Variants in CEP85 observed in about 807,000 individuals in gnomAD.
CEP85 encodes the protein centrosomal protein 85, also known as centrosomal protein of 85 kDa.
CEP85 carries 58 observed loss-of-function variants against 93.7 expected under a neutral mutation model. That is an observed-to-expected ratio of 0.62 (90% confidence interval 0.50 to 0.77). The LOEUF (loss-of-function observed/expected upper bound fraction) is 0.77, where lower values mean the gene tolerates loss of function less well. CEP85 is among the 30% of genes least tolerant of loss of function. The probability of loss-of-function intolerance (pLI) is 0.00; values close to 1 mark genes in which losing one functional copy is unlikely to be tolerated. For synonymous variants in CEP85, 314 were observed against 338.6 expected (o/e 0.93, Z 0.80); for missense variants, 868 against 922.0 (o/e 0.94, Z 0.76).
At chr1:26,250,925 CTTTTTTCTTTTTTTTTTTT>C (rs2089599868) in intron 3 of CEP85, among the ~76,000 whole-genome samples, 1 of 55,160 alleles carries the variant, frequency 1.8e-5, no homozygotes, top group East Asian at 5.8e-4. Flanking sequence ...TTTTTTTTTT[CTTTTTTCTTTTTTTTTTTT>C]TTTTTTTTTT....
At position 26,255,649 on chromosome 1, in the gene CEP85, G is replaced by A. The variant is rs373280524; in HGVS notation, c.687G>A (p.Pro229=). 56 of 1,614,012 alleles carry A rather than the reference G, an allele frequency of 3.5e-5. No homozygotes were observed. The highest frequency in any genetic ancestry group is 2.5e-4 in the African/African-American group (19 of 75,000). The change falls in exon 4 of 14, where the codon CCG becomes CCA. Residue 229 remains proline (P), a synonymous_variant. Transcript: ENST00000451429. ...YRVLPEAKKA[P]GSGAVFERNG... ...TGTTGCCTGAGGCCAAGAAGGCACC[G>A]GGCAGCGGGGCAGTGTTTGAGCGGA...
Position 26,255,600 on chromosome 1 carries a change from G to C in CEP85, c.638G>C (p.Ser213Thr), listed in dbSNP as rs3795686. The C allele has an allele frequency of 6.2e-7, 1 of 1,613,898 alleles. No individual in the cohort carries two copies. The highest frequency in any genetic ancestry group is 8.5e-7 in the Non-Finnish European group (1 of 1,179,962). The change falls in exon 4 of 14, where the codon AGC becomes ACC. Residue 213 changes from serine (S) to threonine (T), a missense_variant. Transcript: ENST00000451429. The part of the protein sequence containing the change: ...HRVRFHNPRT[S>T]TSKELYRVLP... ...GTCCGCTTCCACAACCCAAGAACCA[G>C]CACAAGTAAGGAGTTGTACAGAGTG...
In CEP85 at chr1:26,278,112, A is replaced by G. The variant is rs781087182; in HGVS notation, c.*819A>G. The G allele has an allele frequency of 2.6e-5, 4 of 152,552 alleles. No homozygotes were observed. Among genetic ancestry groups the G allele is most frequent in the Non-Finnish European group, 4.4e-5 (3 of 68,046 alleles). 9.4% of individuals were successfully genotyped at this position (152,552 alleles called of 1,614,324 possible). A position where few individuals can be genotyped will look rare whatever the true frequency, so the allele number is the denominator to read the frequency against. ...ATTATATCCCAGAGACCACAGAGCA[A>G]CTGTCAAGCTGCTTACCCCCTCACC... is the stretch of plus-strand genomic sequence containing the variant. On this transcript the variant is annotated 3_prime_UTR_variant, in exon 14 of 14. Coordinates refer to ENST00000451429, the MANE Select transcript of CEP85 (RefSeq NM_001319944.2).
chr1:26,261,710 C>T (rs1005568160), intron 7 of CEP85, among the ~76,000 whole-genome samples: 3 of 111,950 alleles, frequency 2.7e-5, no homozygotes, highest in African/African-American at 9.5e-5. Flanking sequence ...GCCTGAACAA[C>T]ATAGTGAGAC....
chr1:26,257,026 G>C (rs2089717086), intron 4 of CEP85, among the ~76,000 whole-genome samples: 1 of 150,858 alleles, frequency 6.6e-6, no homozygotes, highest in Non-Finnish European at 1.5e-5. Context: ...CACCTCTCAG[G>C]TTCAAGCAAT....
intron 7 of CEP85, among the ~76,000 whole-genome samples, chr1:26,267,345 C>G (rs532543159): frequency 6.8e-6 from 1 of 147,396 alleles, no homozygotes; most frequent in Non-Finnish European, 1.5e-5. Context: ...AGGTGGATCA[C>G]CTGAAGTCAG....
At chr1:26,256,924 T>G (rs143185459) in intron 4 of CEP85, among the ~76,000 whole-genome samples, 66,637 of 127,132 alleles carry the variant, frequency 0.52, 18,074 homozygotes, top group Non-Finnish European at 0.64. Flanking sequence ...TTTTGTTTTG[T>G]TTTGGTGTGT....
At chr1:26,237,113 C>T (rs1039166834) in intron 1 of CEP85, among the ~76,000 whole-genome samples, 1 of 152,096 alleles carries the variant, frequency 6.6e-6, no homozygotes. Flanking sequence ...ACCATCATGG[C>T]CTTAACAGGT....
intron 5 of CEP85, among the ~76,000 whole-genome samples, 169 bp downstream of exon 5, chr1:26,257,899 A>G (rs2089733721): frequency 6.6e-6 from 1 of 152,154 alleles, no homozygotes; most frequent in Non-Finnish European, 1.5e-5. Flanking sequence ...TATAACTAAT[A>G]TAATAGACCA....
chr1:26,277,433 G>A lies in CEP85; in HGVS notation c.*140G>A. 1.4e-6 allele frequency: 1 copy of A among 718,716 alleles called. No individual in the cohort carries two copies. Among genetic ancestry groups the A allele is most frequent in the Non-Finnish European group, 2.3e-6 (1 of 430,182 alleles). 44.5% of individuals were successfully genotyped at this position (718,716 alleles called of 1,614,324 possible). A position where few individuals can be genotyped will look rare whatever the true frequency, so the allele number is the denominator to read the frequency against. On this transcript the variant is annotated 3_prime_UTR_variant, in exon 14 of 14. Transcript: ENST00000451429. Reference sequence around the variant, plus strand: ...GGAGAGCCTGCATCTGGGGGCCAAGGGCTGATTAGGGAACTGTGTCCTACC... The same window carrying A: ...GGAGAGCCTGCATCTGGGGGCCAAGAGCTGATTAGGGAACTGTGTCCTACC...
intron 2 of CEP85, 109 bp from the exon 3 acceptor site, chr1:26,244,057 G>A (rs2089470930): frequency 1.1e-6 from 1 of 891,498 alleles, no homozygotes; most frequent in Non-Finnish European, 1.7e-6. Flanking sequence ...GAGAGAGAAA[G>A]GGGTGGGTTG....
chr1:26,247,005 C>T (rs747542225), intron 3 of CEP85, among the ~76,000 whole-genome samples: 6 of 152,142 alleles, frequency 3.9e-5, no homozygotes, highest in Admixed American at 6.5e-5. Context: ...GCAGGTCGAG[C>T]GTTACCGCCT....
At chr1:26,269,933 C>T (rs907498273) in intron 9 of CEP85, among the ~76,000 whole-genome samples, 1 of 151,952 alleles carries the variant, frequency 6.6e-6, no homozygotes, top group Admixed American at 6.6e-5. Flanking sequence ...ACTACAGGCG[C>T]CCGCCACTGC....
At chr1:26,235,008 C>T (rs1220873868) in intron 1 of CEP85, among the ~76,000 whole-genome samples, 1 of 152,136 alleles carries the variant, frequency 6.6e-6, no homozygotes, top group Non-Finnish European at 1.5e-5. Flanking sequence ...AGAAAAATCC[C>T]CCAAAATGTC....
intron 9 of CEP85, among the ~76,000 whole-genome samples, chr1:26,270,653 G>A (rs12757113): frequency 0.53 from 81,108 of 152,044 alleles, 22,909 homozygotes; most frequent in Non-Finnish European, 0.65. Context: ...CCCAGACTGT[G>A]TGTGCCAAGA....
rs139801872 is a variant in CEP85 at position 26,239,808 on chromosome 1, A to C, written c.25A>C (p.Thr9Pro). 3 of 1,613,926 alleles carry C rather than the reference A, an allele frequency of 1.9e-6. No individual in the cohort carries two copies. The highest frequency in any genetic ancestry group is 1.1e-5 in the South Asian group (1 of 91,086). Residue 9 changes from threonine to proline, a missense_variant, in exon 2 of 14, where the codon ACT becomes CCT. Physicochemically the swap from Thr to Pro is conservative, Grantham distance 38. Transcript: ENST00000451429. MAMQEKYPTEGISHVTSPS... is the reference protein window; with the variant it reads MAMQEKYPPEGISHVTSPS... ...GATGGCCATGCAGGAGAAATATCCA[A>C]CTGAGGGGATCTCTCACGTCACTTC...
intron 7 of CEP85, among the ~76,000 whole-genome samples, chr1:26,262,046 A>G (rs1046845990): frequency 6.6e-6 from 1 of 152,026 alleles, no homozygotes; most frequent in Admixed American, 6.6e-5. Context: ...GATGGCTTAC[A>G]CCTGTAATCC....
chr1:26,256,315 G>C (rs2124583366), intron 4 of CEP85, among the ~76,000 whole-genome samples: 1 of 152,200 alleles, frequency 6.6e-6, no homozygotes, highest in Middle Eastern at 3.4e-3. Flanking sequence ...GGAGGCCGAG[G>C]CGGGCAGGAG....
At chr1:26,241,724 A>G in intron 2 of CEP85, among the ~76,000 whole-genome samples, 1 of 151,704 alleles carries the variant, frequency 6.6e-6, no homozygotes. Flanking sequence ...TAAGGATGCT[A>G]CTGATAGGAC....
Sources: allele counts gnomAD v4.1 joint callset (sites outside exome capture counted in the v4.1 genomes callset), GRCh38; gene constraint gnomAD v4.1.1; transcripts MANE v1.5; gene names NCBI Gene and HGNC (gene_info 2026-07-23, HGNC 2026-07-21).